CSMD1: variants seen among roughly 807,000 people sequenced by gnomAD.
The protein encoded by CSMD1 is CUB and Sushi multiple domains 1, also known as CUB and sushi domain-containing protein 1.
CSMD1 carries 213 observed loss-of-function variants against 417.5 expected under a neutral mutation model. The ratio of observed to expected loss-of-function variants is 0.51; its 90% CI spans 0.46 to 0.57. CSMD1 has a LOEUF of 0.57. Among genes scored for constraint, CSMD1 ranks in the 20% least tolerant of loss-of-function variants. The pLI is 0.00. For missense variants in CSMD1, 6,923 were observed against 4,529.7 expected (o/e 1.53, Z -15.17); for synonymous variants, 2,862 against 1,736.8 (o/e 1.65, Z -16.11).
chr8:3,752,699 A>AC (rs1554531836), intron 6 of CSMD1, among the ~76,000 whole-genome samples: 1 of 118,162 alleles, frequency 8.5e-6, no homozygotes, highest in Non-Finnish European at 1.8e-5. Context: ...AAAAAAAAAA[A>AC]AAAAACATAT....
intron 5 of CSMD1, among the ~76,000 whole-genome samples, chr8:3,860,415 A>G (rs1804618785): frequency 6.6e-6 from 1 of 152,112 alleles, no homozygotes; most frequent in Admixed American, 6.5e-5. Context: ...CAATGTTTCT[A>G]TGTTACTAAA....
intron 21 of CSMD1, among the ~76,000 whole-genome samples, chr8:3,349,800 A>T (rs928544779): frequency 2.3e-5 from 2 of 87,616 alleles, no homozygotes; most frequent in South Asian, 3.6e-4. Flanking sequence ...TATATCTATA[A>T]ATAGATATAA....
chr8:4,303,420 C>CTTTTTTTTTTTTTTTTT (rs1563419612), intron 3 of CSMD1, among the ~76,000 whole-genome samples: 1 of 92,318 alleles, frequency 1.1e-5, no homozygotes, highest in African/African-American at 4.3e-5. Flanking sequence ...GGGCAGGAAG[C>CTTTTTTTTTTTTTTTTT]TGTTTTTTTT....
intron 3 of CSMD1, among the ~76,000 whole-genome samples, chr8:4,281,159 C>T (rs1258883033): frequency 6.6e-6 from 1 of 152,148 alleles, no homozygotes; most frequent in Non-Finnish European, 1.5e-5. Flanking sequence ...ACCTGACCCA[C>T]TGATGGTTTT....
chr8:4,051,017 C>A (rs190352806), intron 3 of CSMD1, among the ~76,000 whole-genome samples: 3 of 151,966 alleles, frequency 2.0e-5, no homozygotes, highest in Non-Finnish European at 1.5e-5. Context: ...AGGAAGGAGC[C>A]AGAAAACCCA....
chr8:4,506,969 A>C (rs1029523678), intron 2 of CSMD1, among the ~76,000 whole-genome samples: 1 of 152,158 alleles, frequency 6.6e-6, no homozygotes, highest in African/African-American at 2.4e-5. Context: ...CATTTTTTTC[A>C]TAAACAAAAT....
chr8:3,984,780 T>G (rs867108421), intron 5 of CSMD1, among the ~76,000 whole-genome samples: 3 of 145,136 alleles, frequency 2.1e-5, no homozygotes, highest in Admixed American at 1.4e-4. Flanking sequence ...TGTGTGTGTG[T>G]GTGTGGGTGT....
intron 3 of CSMD1, among the ~76,000 whole-genome samples, chr8:4,177,016 A>C (rs1584963133): frequency 6.6e-6 from 1 of 152,230 alleles, no homozygotes; most frequent in African/African-American, 2.4e-5. Flanking sequence ...CATTAGAAAT[A>C]TCAACGAGAC....
intron 1 of CSMD1, among the ~76,000 whole-genome samples, chr8:4,832,559 G>T (rs1343938736): frequency 6.6e-6 from 1 of 152,186 alleles, no homozygotes; most frequent in African/African-American, 2.4e-5. Flanking sequence ...AGGTTTTACA[G>T]AAATGATTGG....
intron 7 of CSMD1, among the ~76,000 whole-genome samples, chr8:3,667,792 G>C (rs761568531): frequency 1.3e-5 from 2 of 152,142 alleles, no homozygotes; most frequent in Non-Finnish European, 2.9e-5. Flanking sequence ...GGAAAATCAT[G>C]GAAACAGAAG....
intron 3 of CSMD1, among the ~76,000 whole-genome samples, chr8:4,244,859 G>A (rs1802610503): frequency 6.6e-6 from 1 of 152,108 alleles, no homozygotes; most frequent in Admixed American, 6.5e-5. Flanking sequence ...ATTGTAACAA[G>A]ATCCCCTAGG....
chr8:3,386,258 C>G (rs1399708971), intron 18 of CSMD1, among the ~76,000 whole-genome samples: 1 of 152,218 alleles, frequency 6.6e-6, no homozygotes, highest in African/African-American at 2.4e-5. Context: ...GGGGCTCACC[C>G]CTGCGTTGCT....
At chr8:3,793,875 G>T (rs557574320) in intron 5 of CSMD1, among the ~76,000 whole-genome samples, 1 of 152,218 alleles carries the variant, frequency 6.6e-6, no homozygotes, top group South Asian at 2.1e-4. Flanking sequence ...GTCGCTGATG[G>T]ACCATTTGTC....
chr8:4,794,384 A>G (rs1235557965), intron 1 of CSMD1, among the ~76,000 whole-genome samples: 2 of 152,186 alleles, frequency 1.3e-5, no homozygotes, highest in African/African-American at 4.8e-5. Context: ...TAACATCCCC[A>G]TTAGAAAATC....
intron 3 of CSMD1, among the ~76,000 whole-genome samples, chr8:4,130,068 C>CCT (rs1803003719): frequency 6.6e-6 from 1 of 152,090 alleles, no homozygotes. Context: ...GATCGAACCT[C>CCT]CTGAGTGTGT....
intron 7 of CSMD1, among the ~76,000 whole-genome samples, chr8:3,698,653 T>A (rs957874589): frequency 1.3e-5 from 2 of 152,192 alleles, no homozygotes; most frequent in Admixed American, 6.5e-5. Flanking sequence ...TGAGAGGCAT[T>A]TCTGGCAATC....
intron 6 of CSMD1, among the ~76,000 whole-genome samples, chr8:3,717,288 T>C (rs868189869): frequency 1.3e-5 from 2 of 152,222 alleles, no homozygotes; most frequent in Non-Finnish European, 2.9e-5. Flanking sequence ...TTTCAACGCT[T>C]ATCTCAGAAG....
rs1473467022 is a variant in CSMD1 at position 3,753,295 on chromosome 8, G to T, written c.931+635C>A. Among the ~76,000 whole-genome samples the T allele has an allele frequency of 5.3e-5, 8 of 152,258 alleles. No homozygotes were observed. In the East Asian group the frequency reaches 1.2e-3, roughly 22 times the overall value. The stretch of plus-strand genomic sequence containing the variant: ...TGCTTAATAAACTGAATAGTTTTTT[G>T]CTGTGTTAATAAGGATTACTCATTA... On this transcript the variant is annotated intron_variant, in intron 6 of 69. Transcript: ENST00000635120.
At chr8:4,526,500 A>G (rs773005633) in intron 2 of CSMD1, among the ~76,000 whole-genome samples, 3 of 152,236 alleles carry the variant, frequency 2.0e-5, no homozygotes, top group Non-Finnish European at 4.4e-5. Flanking sequence ...GCAAGAATAC[A>G]CACTCATGAA....
Sources: gnomAD v4.1 joint callset for allele counts (sites outside exome capture counted in the v4.1 genomes callset) on GRCh38, gnomAD v4.1.1 for gene constraint, MANE v1.5 for transcripts, NCBI Gene and HGNC (gene_info 2026-07-23, HGNC 2026-07-21) for gene names.